The following IFTAP variants were observed in gnomAD, a reference collection of about 807,000 sequenced individuals.
IFTAP encodes the protein intraflagellar transport associated protein, also known as intraflagellar transport-associated protein.
Under a neutral mutation model 19.4 loss-of-function variants are expected in IFTAP, and 19 were observed. The ratio of observed to expected loss-of-function variants is 0.98; its 90% CI spans 0.68 to 1.44. The LOEUF (loss-of-function observed/expected upper bound fraction) is 1.44. Among genes scored for constraint, IFTAP ranks in the 40% most tolerant of loss-of-function variants. IFTAP has a pLI of 0.00. For missense variants in IFTAP, 240 were observed against 253.6 expected (o/e 0.95, Z 0.36); for synonymous variants, 85 against 83.5 (o/e 1.02, Z -0.10).
intron 2 of IFTAP, among the ~76,000 whole-genome samples, chr11:36,632,108 A>C (rs1384161287): frequency 2.6e-5 from 4 of 151,198 alleles, no homozygotes; most frequent in Admixed American, 1.3e-4. Context: ...TATAGCCTTG[A>C]GCAAGTTACT....
intron 1 of IFTAP, among the ~76,000 whole-genome samples, chr11:36,609,813 A>G (rs1851810833): frequency 6.6e-6 from 1 of 152,170 alleles, no homozygotes; most frequent in South Asian, 2.1e-4. Flanking sequence ...TTGGGTGACA[A>G]TAGTCATATG....
intron 5 of IFTAP, among the ~76,000 whole-genome samples, chr11:36,650,311 A>G (rs186531910): frequency 7.2e-4 from 110 of 152,242 alleles, no homozygotes; most frequent in Non-Finnish European, 1.3e-3. Flanking sequence ...TTAATTGCCT[A>G]TTAAGATTCC....
intron 2 of IFTAP, among the ~76,000 whole-genome samples, chr11:36,618,822 C>A (rs1256427861): frequency 6.6e-6 from 1 of 151,906 alleles, no homozygotes; most frequent in Non-Finnish European, 1.5e-5. Context: ...AAAGGTAGAG[C>A]AAAGAAGAAG....
intron 2 of IFTAP, among the ~76,000 whole-genome samples, chr11:36,625,055 T>C (rs889206673): frequency 2.0e-5 from 3 of 152,192 alleles, no homozygotes; most frequent in African/African-American, 4.8e-5. Context: ...TATGTATATA[T>C]GTATTCAGTT....
intron 1 of IFTAP, chr11:36,598,200 T>C (rs1851358504): frequency 6.6e-6 from 1 of 152,064 alleles, no homozygotes; most frequent in Non-Finnish European, 1.5e-5. Flanking sequence ...CTGCCCACTA[T>C]GACTGTGGCA....
chr11:36,601,129 C>T (rs1385923418), intron 1 of IFTAP, among the ~76,000 whole-genome samples: 1 of 152,172 alleles, frequency 6.6e-6, no homozygotes, highest in Non-Finnish European at 1.5e-5. Context: ...TTCATTGTCT[C>T]TCAGTGAGTT....
At position 36,624,391 on chromosome 11, in the gene IFTAP, G is replaced by A. The variant is rs983277813; in HGVS notation, c.137-8893G>A. Among the ~76,000 whole-genome samples the A allele has an allele frequency of 1.3e-5, 2 of 152,156 alleles. 1 individual carries two copies. Among genetic ancestry groups the A allele is most frequent in the Admixed American group, 1.3e-4 (2 of 15,278 alleles). ...TGAGATGTGAGGGGCACTGGTATGTGCAACTTCTGGGTCATATCCTTAAGA... is the reference window on the plus strand; with the variant it reads ...TGAGATGTGAGGGGCACTGGTATGTACAACTTCTGGGTCATATCCTTAAGA... On this transcript the variant is annotated intron_variant, in intron 2 of 5. Transcript: ENST00000334307.
chr11:36,642,852 A>G (rs1478250581), intron 4 of IFTAP, among the ~76,000 whole-genome samples: 3 of 152,152 alleles, frequency 2.0e-5, no homozygotes, highest in African/African-American at 4.8e-5. Context: ...TTGATGGGAC[A>G]TATCTCAAAA....
intron 2 of IFTAP, among the ~76,000 whole-genome samples, chr11:36,618,513 A>G (rs886514025): frequency 9.2e-5 from 14 of 151,972 alleles, no homozygotes; most frequent in Non-Finnish European, 1.8e-4. Context: ...CCACTATTAC[A>G]CTAGTGTCTA....
At chr11:36,640,718 T>C (rs1853163253) in intron 4 of IFTAP, among the ~76,000 whole-genome samples, 1 of 152,210 alleles carries the variant, frequency 6.6e-6, no homozygotes, top group African/African-American at 2.4e-5. Flanking sequence ...TACTGTGAGC[T>C]TGACAGCTTC....
chr11:36,629,093 C>T (rs1375000033), intron 2 of IFTAP, among the ~76,000 whole-genome samples: 10 of 151,356 alleles, frequency 6.6e-5, no homozygotes, highest in Non-Finnish European at 1.5e-4. Flanking sequence ...GAACGACTAT[C>T]GCTCCAGGGG....
chr11:36,605,050 T>C (rs938934647), intron 1 of IFTAP, among the ~76,000 whole-genome samples: 2 of 151,842 alleles, frequency 1.3e-5, no homozygotes, highest in Non-Finnish European at 2.9e-5. Flanking sequence ...TTTGGTCTTT[T>C]GGAGATTTGA....
chr11:36,639,615 G>C (rs984701743), intron 4 of IFTAP, among the ~76,000 whole-genome samples: 1 of 152,154 alleles, frequency 6.6e-6, no homozygotes, highest in African/African-American at 2.4e-5. Flanking sequence ...GAGAGGGAAA[G>C]AGGTGCCAGG....
intron 2 of IFTAP, among the ~76,000 whole-genome samples, chr11:36,632,675 T>C (rs1188682610): frequency 6.6e-6 from 1 of 151,268 alleles, no homozygotes; most frequent in Non-Finnish European, 1.5e-5. Flanking sequence ...AAATAAACTA[T>C]CTTACATTTA....
chr11:36,631,023 A>G (rs1852705816), intron 2 of IFTAP, among the ~76,000 whole-genome samples: 1 of 151,388 alleles, frequency 6.6e-6, no homozygotes, highest in Non-Finnish European at 1.5e-5. Context: ...TGTGGCCGTA[A>G]AAGTGGAAGA....
At chr11:36,657,778 C>T (rs1854059022) in intron 5 of IFTAP, among the ~76,000 whole-genome samples, 1 of 152,164 alleles carries the variant, frequency 6.6e-6, no homozygotes, top group Non-Finnish European at 1.5e-5. Context: ...TTCCTAGTAT[C>T]AGGGCTGACA....
intron 2 of IFTAP, among the ~76,000 whole-genome samples, chr11:36,620,518 G>A (rs1422562864): frequency 6.6e-6 from 1 of 151,966 alleles, no homozygotes; most frequent in East Asian, 1.9e-4. Flanking sequence ...ATTTTGAGCT[G>A]ATCAAGCCAT....
intron 1 of IFTAP, among the ~76,000 whole-genome samples, chr11:36,598,901 G>T (rs1851396804): frequency 6.6e-6 from 1 of 152,228 alleles, no homozygotes; most frequent in African/African-American, 2.4e-5. Context: ...GTCGGGAAAA[G>T]ATTAAATGAG....
Position 36,648,149 on chromosome 11 carries a change from G to A in IFTAP, c.492G>A (p.Thr164=), listed in dbSNP as rs769171432. ...GTGTTAAAAGAATGGACAAACAGAC[G>A]GAAGAGGTACTCCACAGGGAATTCA... ...KPSVKRMDKQ[T]EEILGDEVQL... is the part of the protein sequence containing the mutation. The change falls in exon 5 of 6, where the codon ACG becomes ACA. Residue 164 remains threonine (T), a synonymous_variant. Coordinates refer to ENST00000334307, the MANE Select transcript of IFTAP (RefSeq NM_138787.4). 13 of 1,612,386 alleles carry A rather than the reference G, an allele frequency of 8.1e-6. No homozygotes were observed. The East Asian group carries it at 1.8e-4, about 22-fold the overall frequency.
Sources: gnomAD v4.1 joint callset for allele counts (sites outside exome capture counted in the v4.1 genomes callset) on GRCh38, gnomAD v4.1.1 for gene constraint, MANE v1.5 for transcripts, NCBI Gene and HGNC (gene_info 2026-07-23, HGNC 2026-07-21) for gene names.